ACTR5: variants seen among roughly 807,000 people sequenced by gnomAD.
The protein encoded by ACTR5 is actin-related protein 5.
A neutral mutation model predicts 61.2 loss-of-function variants in ACTR5; 43 were observed. That is an observed-to-expected ratio of 0.70 (90% CI 0.55 to 0.91). The LOEUF (loss-of-function observed/expected upper bound fraction) is 0.91. ACTR5 is among the 40% of genes least tolerant of loss of function. ACTR5 has a pLI of 0.00. For missense variants in ACTR5, 798 were observed against 782.2 expected (o/e 1.02, Z -0.24); for synonymous variants, 333 against 310.5 (o/e 1.07, Z -0.76).
intron 5 of ACTR5, among the ~76,000 whole-genome samples, chr20:38,758,093 A>G (rs1176614823): frequency 6.6e-6 from 1 of 151,504 alleles, no homozygotes; most frequent in South Asian, 2.1e-4. Context: ...GGGATTTCAG[A>G]TTTCAAAAAG....
At chr20:38,771,457 G>A (rs1460142220) in intron 8 of ACTR5, 102 bp from the exon 9 acceptor site, 27 of 1,493,164 alleles carry the variant, frequency 1.8e-5, no homozygotes, top group Non-Finnish European at 2.3e-5. Flanking sequence ...CCACCTATGT[G>A]TATATTTCTG....
intron 5 of ACTR5, among the ~76,000 whole-genome samples, chr20:38,762,621 A>C (rs560506215): frequency 6.6e-6 from 1 of 152,340 alleles, no homozygotes; most frequent in South Asian, 2.1e-4. Flanking sequence ...TTTAGACTGC[A>C]GGCTTACTGG....
chr20:38,760,103 A>G (rs1317096948), intron 5 of ACTR5, among the ~76,000 whole-genome samples: 1 of 151,364 alleles, frequency 6.6e-6, no homozygotes, highest in Non-Finnish European at 1.5e-5. Context: ...GCAGTGAGCC[A>G]TGGTTGTGCC....
intron 8 of ACTR5, 134 bp from the exon 9 acceptor site, chr20:38,771,425 A>G: frequency 8.5e-7 from 1 of 1,173,548 alleles, no homozygotes; most frequent in South Asian, 1.5e-5. Context: ...CTAGCCCCGA[A>G]CTGTCTTGGA....
Position 38,762,114 on chromosome 20 carries a change from C to T in ACTR5, c.1177-3288C>T, listed in dbSNP as rs114396855. Among the ~76,000 whole-genome samples, 660 of 152,310 alleles carry T rather than the reference C, an allele frequency of 4.3e-3. 6 individuals carry two copies. The highest frequency in any genetic ancestry group is 0.015 in the African/African-American group (635 of 41,572). ...TACAGGGATCTCTGCTTCAAGTTGC[C>T]TGGAGCCACTGCTGGGAAGAATTAA... is the stretch of plus-strand genomic sequence containing the variant. On this transcript the variant is annotated intron_variant, in intron 5 of 8. Coordinates refer to ENST00000243903, the MANE Select transcript of ACTR5 (RefSeq NM_024855.4).
Position 38,768,266 on chromosome 20 carries a change from G to A in ACTR5, c.1566+670G>A, listed in dbSNP as rs77140483. 9.7e-3 allele frequency among the ~76,000 whole-genome samples: 1,476 copies of A among 152,270 alleles called. 15 individuals are homozygous for A. Among genetic ancestry groups the A allele is most frequent in the Middle Eastern group, 0.017 (5 of 294 alleles). On this transcript the variant is annotated intron_variant, in intron 8 of 8. Transcript: ENST00000243903. ...TTCAGTGTACTGGTGCCTGTCAAGC[G>A]CCCGACAGTGGGCCTGCATGTAATA... is the stretch of plus-strand genomic sequence containing the variant.
intron 2 of ACTR5, 128 bp downstream of exon 2, chr20:38,750,367 C>G: frequency 2.7e-6 from 2 of 741,700 alleles, no homozygotes; most frequent in Non-Finnish European, 4.4e-6. Context: ...TTGGGCTTAG[C>G]TTTGAACTAC....
At chr20:38,761,732 C>A (rs1046471398) in intron 5 of ACTR5, 7 of 154,194 alleles carry the variant, frequency 4.5e-5, no homozygotes, top group African/African-American at 1.7e-4. Flanking sequence ...AGTAGCTGCG[C>A]TCCCCTGCTA....
chr20:38,755,936 A>T lies in ACTR5; in HGVS notation c.1073A>T (p.Gln358Leu). 1 of 1,614,236 alleles carries T rather than the reference A, an allele frequency of 6.2e-7. No individual in the cohort carries two copies. The highest frequency in any genetic ancestry group is 8.5e-7 in the Non-Finnish European group (1 of 1,180,046). ...AATATGGACTCCCCAGAAGAGCTGC[A>T]GTCCTACATCCAGAAGCTCAGTATA... ...ELNMDSPEELQSYIQKLSIAV... is the reference protein window; with the variant it reads ...ELNMDSPEELLSYIQKLSIAV... The change falls in exon 5 of 9, where the codon CAG becomes CTG. Residue 358 changes from glutamine to leucine, a missense_variant. Transcript: ENST00000243903.
chr20:38,748,567 C>G lies in ACTR5; in HGVS notation c.89C>G (p.Pro30Arg). The G allele has an allele frequency of 2.0e-6, 3 of 1,519,954 alleles. No individual in the cohort carries two copies. The highest frequency in any genetic ancestry group is 2.3e-4 in the Middle Eastern group (1 of 4,294). The allele number at this position is 1,519,954 out of a possible 1,614,324, so 94.2% of individuals were successfully genotyped here. Residue 30 changes from proline to arginine, a missense_variant, in exon 1 of 9, where the codon CCG (proline) becomes CGG (arginine). Physicochemically the swap from Pro to Arg is moderately radical, Grantham distance 103 (BLOSUM62 -2). Transcript: ENST00000243903. ...GGCCCGGTGGCACACGGGCCACTGC[C>G]GGTACCGCTGGTGCTGGACAACGGG... is the stretch of plus-strand genomic sequence containing the variant. ...EAGPVAHGPL[P>R]VPLVLDNGSF...
At chr20:38,757,551 T>TA (rs1194314577) in intron 5 of ACTR5, among the ~76,000 whole-genome samples, 4 of 152,130 alleles carry the variant, frequency 2.6e-5, no homozygotes, top group African/African-American at 9.6e-5. Flanking sequence ...AAAAAAATGA[T>TA]ACTTTGGAAA....
At chr20:38,764,762 C>G (rs556490880) in intron 5 of ACTR5, among the ~76,000 whole-genome samples, 1 of 152,194 alleles carries the variant, frequency 6.6e-6, no homozygotes, top group Non-Finnish European at 1.5e-5. Flanking sequence ...CCTCAACCTC[C>G]CAGGCTCAAG....
intron 3 of ACTR5, among the ~76,000 whole-genome samples, chr20:38,754,593 T>C (rs111365604): frequency 0.42 from 63,686 of 151,038 alleles, 13,338 homozygotes; most frequent in Middle Eastern, 0.49. Context: ...GTGGCAGGCG[T>C]CTGTAGTCCC....
chr20:38,757,009 CA>C (rs2084424162), intron 5 of ACTR5, among the ~76,000 whole-genome samples: 1 of 152,242 alleles, frequency 6.6e-6, no homozygotes, highest in Non-Finnish European at 1.5e-5. Flanking sequence ...AATATAACCT[CA>C]GACTCCTGGG....
intron 3 of ACTR5, 125 bp from the exon 4 acceptor site, chr20:38,754,832 G>A (rs553686217): frequency 1.4e-4 from 115 of 826,366 alleles, no homozygotes; most frequent in Non-Finnish European, 1.9e-4. Flanking sequence ...CTCGTGATCC[G>A]CCCACCTCGG....
chr20:38,755,064 CAAGA>C lies in ACTR5; in HGVS notation c.887_890del (p.Glu296GlyfsTer38). On this transcript the variant is annotated frameshift_variant, in exon 4 of 9. Coordinates refer to ENST00000243903, the MANE Select transcript of ACTR5 (RefSeq NM_024855.4). LOFTEE classifies it high-confidence loss of function. The stretch of plus-strand genomic sequence containing the variant: ...CAGCACTCTGACCTCTGAGGAGAAA[CAAGA>C]AAGGCGGCAGCAGCAATTGCGGCGG... 3 of 1,614,256 alleles carry C rather than the reference CAAGA, an allele frequency of 1.9e-6. No homozygotes were observed. In the East Asian group the frequency reaches 6.7e-5, roughly 36 times the overall value.
chr20:38,748,844 C>G lies in ACTR5; in HGVS notation c.366C>G (p.Val122=). The G allele has an allele frequency of 1.2e-6, 2 of 1,607,102 alleles. No individual in the cohort carries two copies. The highest frequency in any genetic ancestry group is 1.3e-5 in the African/African-American group (1 of 74,204). The change falls in exon 1 of 9, where the codon GTC becomes GTG. Residue 122 remains valine, a synonymous_variant. Coordinates refer to ENST00000243903, the MANE Select transcript of ACTR5 (RefSeq NM_024855.4). ...ACTACAGCTTCCAGCACCTGGGTGT[C>G]TCCTCACAGGTGAAGGGCGGAGTAG... ...LLDYSFQHLG[V]SSQGCVDHPI... is the part of the protein sequence containing the mutation.
intron 5 of ACTR5, among the ~76,000 whole-genome samples, chr20:38,763,174 CTCCTGGT>C (rs2084464924): frequency 6.6e-6 from 1 of 152,320 alleles, no homozygotes; most frequent in South Asian, 2.1e-4. Flanking sequence ...GTCACACTGC[CTCCTGGT>C]TCCTGGTTCC....
At chr20:38,764,417 T>C (rs1398205527) in intron 5 of ACTR5, among the ~76,000 whole-genome samples, 1 of 152,222 alleles carries the variant, frequency 6.6e-6, no homozygotes, top group Non-Finnish European at 1.5e-5. Context: ...TGGCTAAAGA[T>C]GTCTTTCAGA....
Sources: gnomAD v4.1 joint callset for allele counts (sites outside exome capture counted in the v4.1 genomes callset) on GRCh38, gnomAD v4.1.1 for gene constraint, MANE v1.5 for transcripts, NCBI Gene and HGNC (gene_info 2026-07-23, HGNC 2026-07-21) for gene names.